Variants in NKD1 observed in about 807,000 individuals in gnomAD.
The protein encoded by NKD1 is NKD inhibitor of Wnt signaling pathway 1, also known as protein naked cuticle homolog 1.
A neutral mutation model predicts 56.0 loss-of-function variants in NKD1; 21 were observed. The ratio of observed to expected loss-of-function variants is 0.38; its 90% CI spans 0.27 to 0.54. NKD1 has a LOEUF of 0.54. Among genes scored for constraint, NKD1 ranks in the 20% least tolerant of loss-of-function variants. The pLI is 0.82. For missense variants in NKD1, 578 were observed against 642.7 expected, an observed-to-expected ratio of 0.90 and a Z score of 1.09; for synonymous variants, 263 against 265.7, an observed-to-expected ratio of 0.99 and a Z score of 0.10.
At chr16:50,615,003 G>T (rs572158188) in intron 4 of NKD1, among the ~76,000 whole-genome samples, 1 of 152,302 alleles carries the variant, frequency 6.6e-6, no homozygotes, top group East Asian at 1.9e-4. Context: ...AACAAGCTGG[G>T]TCAGGTAGGG....
intron 3 of NKD1, among the ~76,000 whole-genome samples, chr16:50,590,391 C>T (rs574175566): frequency 1.6e-4 from 25 of 152,366 alleles, no homozygotes; most frequent in African/African-American, 5.8e-4. Flanking sequence ...TTAAAACCAA[C>T]GAATGCTAAA....
chr16:50,619,774 C>G (rs532139924), intron 4 of NKD1, among the ~76,000 whole-genome samples: 21 of 152,276 alleles, frequency 1.4e-4, no homozygotes, highest in African/African-American at 5.1e-4. Context: ...ACTGAGACAT[C>G]TAGAGAAGGT....
intron 3 of NKD1, among the ~76,000 whole-genome samples, chr16:50,605,560 A>T (rs1188239699): frequency 6.6e-6 from 1 of 152,210 alleles, no homozygotes; most frequent in African/African-American, 2.4e-5. Context: ...TACTGAACAC[A>T]TACAGACTTT....
At position 50,616,878 on chromosome 16, in the gene NKD1, A is replaced by G. The variant is rs552953142; in HGVS notation, c.260-4724A>G. Among the ~76,000 whole-genome samples the G allele has an allele frequency of 2.6e-5, 4 of 152,312 alleles. No homozygotes were observed. In the South Asian group the frequency reaches 8.3e-4, roughly 32 times the overall value. On this transcript the variant is annotated intron_variant, in intron 4 of 9. Coordinates refer to ENST00000268459, the MANE Select transcript of NKD1 (RefSeq NM_033119.5). ...TACACATATCTAGGGTATTGGTCAT[A>G]TGAGTGGCACCACCTGGGGTTGTAC...
chr16:50,630,717 G>A lies in NKD1; in HGVS notation c.611-109G>A, dbSNP rs1032189869. 5.4e-6 allele frequency: 5 copies of A among 918,610 alleles called. No homozygotes were observed. In the African/African-American group the frequency reaches 8.3e-5, roughly 15 times the overall value. 56.9% of individuals were successfully genotyped at this position (918,610 alleles called of 1,614,324 possible). A position where few individuals can be genotyped will look rare whatever the true frequency, so the allele number is the denominator to read the frequency against. On this transcript the variant is annotated intron_variant, in intron 7 of 9. Coordinates refer to ENST00000268459, the MANE Select transcript of NKD1 (RefSeq NM_033119.5). ...CCCCTTTATTTAGCCCCAGCTCAGG[G>A]AACCCTCCCACAGTGGCCTTGCAAA... is the stretch of plus-strand genomic sequence containing the variant.
chr16:50,621,604 G>T lies in NKD1; in HGVS notation c.262G>T (p.Ala88Ser). Residue 88 changes from alanine (A) to serine (S), a missense_variant and splice_region_variant, in exon 5 of 10, where the codon GCC becomes TCC. By Grantham distance (99) the Ala-to-Ser change is moderately conservative (BLOSUM62 1). Transcript: ENST00000268459. ...EEEDDFRLEV[A>S]LPPEKTDGLG... Reference sequence around the variant, plus strand: ...TCCCTCGCCTGCCTCCCCGACAGTGGCCCTGCCTCCTGAGAAGACTGACGG... The same window carrying T: ...TCCCTCGCCTGCCTCCCCGACAGTGTCCCTGCCTCCTGAGAAGACTGACGG... 3.1e-6 allele frequency: 5 copies of T among 1,612,988 alleles called. No individual in the cohort carries two copies. Among genetic ancestry groups the T allele is most frequent in the Non-Finnish European group, 4.2e-6 (5 of 1,179,232 alleles).
At chr16:50,606,005 A>C (rs1305062237) in intron 3 of NKD1, 2 of 151,884 alleles carry the variant, frequency 1.3e-5, no homozygotes, top group Non-Finnish European at 2.9e-5. Context: ...CTCTAGGAAC[A>C]TGCACGCTGC....
chr16:50,562,570 G>A (rs561877155), intron 3 of NKD1, among the ~76,000 whole-genome samples: 1 of 152,294 alleles, frequency 6.6e-6, no homozygotes, highest in South Asian at 2.1e-4. Flanking sequence ...GCAGCCAGAG[G>A]GTGTGGAGTT....
intron 2 of NKD1, 65 bp downstream of exon 2, chr16:50,548,814 G>T: frequency 1.5e-6 from 2 of 1,333,514 alleles, no homozygotes; most frequent in South Asian, 2.0e-5. Context: ...GCGGCAGAAC[G>T]GCCCAGCCCG....
At chr16:50,593,038 G>A (rs1389794896) in intron 3 of NKD1, among the ~76,000 whole-genome samples, 1 of 152,146 alleles carries the variant, frequency 6.6e-6, no homozygotes, top group Non-Finnish European at 1.5e-5. Flanking sequence ...GGCTCATGGA[G>A]AGTTTGTTGT....
rs1962467924 is a variant in NKD1 at position 50,636,341 on chromosome 16, A to G, written c.*2560A>G. ...GCTCCACACCTGTCAGGATTCTGTTACTTCTTGGTAACTGGGACTTGCCCA... is the reference window on the plus strand; with the variant it reads ...GCTCCACACCTGTCAGGATTCTGTTGCTTCTTGGTAACTGGGACTTGCCCA... On this transcript the variant is annotated 3_prime_UTR_variant, in exon 10 of 10. Coordinates refer to ENST00000268459, the MANE Select transcript of NKD1 (RefSeq NM_033119.5). 6.6e-6 allele frequency: 1 copy of G among 152,232 alleles called. No homozygotes were observed. The highest frequency in any genetic ancestry group is 1.5e-5 in the Non-Finnish European group (1 of 68,044). The allele number at this position is 152,232 out of a possible 1,614,324, so 9.4% of individuals were successfully genotyped here.
At chr16:50,602,168 G>T (rs764281324) in intron 3 of NKD1, among the ~76,000 whole-genome samples, 1 of 152,216 alleles carries the variant, frequency 6.6e-6, no homozygotes, top group Non-Finnish European at 1.5e-5. Flanking sequence ...GAGGGAGGCT[G>T]TGTGGGCAGA....
chr16:50,576,323 G>T (rs1960993113), intron 3 of NKD1, among the ~76,000 whole-genome samples: 1 of 152,152 alleles, frequency 6.6e-6, no homozygotes, highest in Non-Finnish European at 1.5e-5. Context: ...AAGACATTCA[G>T]TCACTCCCTC....
intron 7 of NKD1, 123 bp from the exon 8 acceptor site, chr16:50,630,703 A>C: frequency 1.3e-6 from 1 of 770,646 alleles, no homozygotes. Flanking sequence ...CCCTTTATTT[A>C]GCCCCAGCTC....
chr16:50,561,117 C>T (rs1960622029), intron 3 of NKD1, among the ~76,000 whole-genome samples: 1 of 152,114 alleles, frequency 6.6e-6, no homozygotes, highest in Non-Finnish European at 1.5e-5. Flanking sequence ...GCTGCTGGCT[C>T]ACTCCCTTTG....
rs114728182 is a variant in NKD1, at chr16:50,617,702, G to A, written c.260-3900G>A. Among the ~76,000 whole-genome samples the A allele has an allele frequency of 8.6e-3, 1,307 of 152,274 alleles. 26 individuals are homozygous for A. The highest frequency in any genetic ancestry group is 0.03 in the African/African-American group (1,252 of 41,546). ...TTACCAACCCCCCAGATTCATATGG[G>A]CTGACAATAGGCCTTAAGAAAGCAG... On this transcript the variant is annotated intron_variant, in intron 4 of 9. Transcript: ENST00000268459.
chr16:50,549,506 C>A lies in NKD1; in HGVS notation c.143C>A (p.Ser48Ter). The A allele has an allele frequency of 6.2e-7, 1 of 1,608,664 alleles. No homozygotes were observed. Among genetic ancestry groups the A allele is most frequent in the Non-Finnish European group, 8.5e-7 (1 of 1,177,496 alleles). Residue 48 changes from serine (S) to a stop codon, truncating the protein, a stop_gained, in exon 3 of 10, where the codon TCG becomes TAG. Coordinates refer to ENST00000268459, the MANE Select transcript of NKD1 (RefSeq NM_033119.5). LOFTEE classifies it high-confidence loss of function. ...AGACAGCGCTGCCCGGGCGGTGTCT[C>A]GGGACCCCGACAGCTGCGGTTGGCG... ...IGRQRCPGGV[S>*]GPRQLRLAGT...
At chr16:50,552,326 A>G (rs567979709) in intron 3 of NKD1, 1 of 152,312 alleles carries the variant, frequency 6.6e-6, no homozygotes, top group South Asian at 2.1e-4. Context: ...ACTTTCTAGG[A>G]GAAGCCATTT....
At chr16:50,627,050 C>T (rs549031948) in intron 6 of NKD1, among the ~76,000 whole-genome samples, 3 of 152,118 alleles carry the variant, frequency 2.0e-5, no homozygotes, top group South Asian at 2.1e-4. Flanking sequence ...CTGTGGTTTT[C>T]GGGCTGTTTC....
Sources: gnomAD v4.1 joint callset for allele counts (sites outside exome capture counted in the v4.1 genomes callset) on GRCh38, gnomAD v4.1.1 for gene constraint, MANE v1.5 for transcripts, NCBI Gene and HGNC (gene_info 2026-07-23, HGNC 2026-07-21) for gene names.